The following NLRC4 variants were observed in gnomAD, a reference collection of about 807,000 sequenced individuals.
NLRC4 encodes the protein NLR family CARD domain containing 4.
In NLRC4, 63 loss-of-function variants were observed where a neutral mutation model predicts 79.9. The observed-to-expected ratio is 0.79, with a 90% CI of 0.64 to 0.97. The LOEUF is 0.97. Ranked by LOEUF, NLRC4 falls within the 50% of genes least tolerant of loss-of-function variation. NLRC4 has a pLI of 0.00. For missense variants in NLRC4, 1,074 were observed against 1,215.2 expected (o/e 0.88, Z 1.73); for synonymous variants, 461 against 456.5 (o/e 1.01, Z -0.12).
At chr2:32,263,011 C>T (rs891473390) in intron 1 of NLRC4, among the ~76,000 whole-genome samples, 12 of 151,896 alleles carry the variant, frequency 7.9e-5, no homozygotes, top group African/African-American at 2.2e-4. Context: ...CCACCATGCC[C>T]AGCTGGAAAA....
At chr2:32,226,112 C>G (rs1396749654) in intron 8 of NLRC4, among the ~76,000 whole-genome samples, 1 of 152,180 alleles carries the variant, frequency 6.6e-6, no homozygotes, top group African/African-American at 2.4e-5. Context: ...TAAAAGGTAT[C>G]TGCTACCAGT....
chr2:32,256,003 G>T (rs1307000772), intron 2 of NLRC4, among the ~76,000 whole-genome samples: 23 of 150,584 alleles, frequency 1.5e-4, no homozygotes, highest in Admixed American at 1.5e-3. Flanking sequence ...TACAGAGCGA[G>T]ACTCCATCTC....
At chr2:32,228,228 A>G (rs986354445) in intron 8 of NLRC4, among the ~76,000 whole-genome samples, 1 of 152,184 alleles carries the variant, frequency 6.6e-6, no homozygotes, top group Non-Finnish European at 1.5e-5. Context: ...CACAAAAGCA[A>G]TAGGCTTTCC....
Position 32,225,428 on chromosome 2 carries a change from T to TC in NLRC4, c.2783-664_2783-663insG, listed in dbSNP as rs1465553798. Among the ~76,000 whole-genome samples the TC allele has an allele frequency of 2.7e-5, 4 of 149,252 alleles. No homozygotes were observed. The East Asian group carries it at 7.8e-4, about 29-fold the overall frequency. ...CAAAGGATGTGTGTGTGTGTGTGTG[T>TC]GTGTGTGTGTGTGTGTGTATACATA... On this transcript the variant is annotated intron_variant, in intron 8 of 8. Transcript: ENST00000402280.
chr2:32,254,996 T>G (rs1160243145), intron 2 of NLRC4, among the ~76,000 whole-genome samples: 1 of 151,784 alleles, frequency 6.6e-6, no homozygotes, highest in Non-Finnish European at 1.5e-5. Flanking sequence ...CTCTCTGGCC[T>G]GAAATGCACC....
intron 1 of NLRC4, among the ~76,000 whole-genome samples, chr2:32,257,636 A>G (rs1016650770): frequency 6.7e-6 from 1 of 148,712 alleles, no homozygotes; most frequent in African/African-American, 2.5e-5. Context: ...AAAAAGGATA[A>G]GTAAGATGAG....
intron 8 of NLRC4, among the ~76,000 whole-genome samples, chr2:32,225,696 T>G (rs1410520123): frequency 6.6e-6 from 1 of 152,192 alleles, no homozygotes; most frequent in Non-Finnish European, 1.5e-5. Flanking sequence ...AAGTTCACCT[T>G]GAAGTACAGA....
chr2:32,260,931 G>T (rs1194521276), intron 1 of NLRC4, among the ~76,000 whole-genome samples: 2 of 152,094 alleles, frequency 1.3e-5, no homozygotes, highest in Non-Finnish European at 2.9e-5. Flanking sequence ...AGTGGCTCAC[G>T]CCTGTAATCC....
Position 32,259,796 on chromosome 2 carries a change from C to T in NLRC4, c.-118-2903G>A, listed in dbSNP as rs1231900134. 2.0e-5 allele frequency among the ~76,000 whole-genome samples: 3 copies of T among 152,160 alleles called. No individual in the cohort carries two copies. In the East Asian group the frequency reaches 5.8e-4, roughly 29 times the overall value. The stretch of plus-strand genomic sequence containing the variant: ...AACCGTAAATTAGCCTGTTGAAGAA[C>T]TTCACATAAACGGAATCATACAGTA... On this transcript the variant is annotated intron_variant, in intron 1 of 8. Transcript: ENST00000402280.
chr2:32,251,570 C>G lies in NLRC4; in HGVS notation c.294G>C (p.Leu98Phe). ...SLFHQTSEGD[L>F]DDLAQDLKDL... Reference sequence around the variant, plus strand: ...CCTTTAAATCCTGAGCCAAATCGTCCAAGTCTCCTTCTGATGTCTGATGAA... The same window carrying G: ...CCTTTAAATCCTGAGCCAAATCGTCGAAGTCTCCTTCTGATGTCTGATGAA... Residue 98 changes from leucine (L) to phenylalanine (F), a missense_variant, in exon 4 of 9, where the codon TTG becomes TTC. Transcript: ENST00000402280. 1 of 1,607,802 alleles carries G rather than the reference C, an allele frequency of 6.2e-7. No individual in the cohort carries two copies. The highest frequency in any genetic ancestry group is 8.5e-7 in the Non-Finnish European group (1 of 1,177,068).
intron 8 of NLRC4, among the ~76,000 whole-genome samples, chr2:32,231,596 G>T (rs1168130256): frequency 2.3e-5 from 3 of 130,584 alleles, no homozygotes; most frequent in Non-Finnish European, 3.3e-5. Context: ...GGGGGACTGG[G>T]TGTCACTCTG....
intron 8 of NLRC4, among the ~76,000 whole-genome samples, chr2:32,227,171 T>TA (rs35563451): frequency 0.57 from 84,322 of 147,384 alleles, 23,854 homozygotes; most frequent in African/African-American, 0.61. Flanking sequence ...AATAGAGGAG[T>TA]AAAAAAAAAA....
At chr2:32,239,195 C>G (rs1482846878) in intron 5 of NLRC4, among the ~76,000 whole-genome samples, 3 of 152,150 alleles carry the variant, frequency 2.0e-5, no homozygotes, top group Non-Finnish European at 2.9e-5. Context: ...GCATTAGAAT[C>G]GCTTGAACCC....
chr2:32,239,393 G>A (rs212719), intron 5 of NLRC4, among the ~76,000 whole-genome samples: 4,780 of 152,278 alleles, frequency 0.031, 140 homozygotes, highest in African/African-American at 0.079. Flanking sequence ...GTGGTGCCTG[G>A]CACATAGTAA....
At chr2:32,261,297 C>T (rs1385598980) in intron 1 of NLRC4, among the ~76,000 whole-genome samples, 2 of 125,816 alleles carry the variant, frequency 1.6e-5, no homozygotes, top group Non-Finnish European at 3.4e-5. Flanking sequence ...CTCTTTCTTT[C>T]GCCTATTAAG....
intron 2 of NLRC4, among the ~76,000 whole-genome samples, chr2:32,254,633 T>TTA (rs1687162451): frequency 6.7e-6 from 1 of 149,916 alleles, no homozygotes; most frequent in African/African-American, 2.5e-5. Context: ...TTTTTTTTTT[T>TTA]TTCAGACGAA....
At chr2:32,259,576 T>A (rs775436001) in intron 1 of NLRC4, among the ~76,000 whole-genome samples, 7 of 152,104 alleles carry the variant, frequency 4.6e-5, no homozygotes, top group Non-Finnish European at 8.8e-5. Context: ...GGTTTATTAT[T>A]CTTTCTTAGG....
At position 32,251,145 on chromosome 2, in the gene NLRC4, C is replaced by T. The variant is rs780092732; in HGVS notation, c.719G>A (p.Arg240Gln). The T allele has an allele frequency of 2.5e-6, 4 of 1,614,124 alleles. No homozygotes were observed. The highest frequency in any genetic ancestry group is 3.4e-6 in the Non-Finnish European group (4 of 1,180,020). ...QTFMAMLLKL[R>Q]QRVLFLLDGY... Reference sequence around the variant, plus strand: ...ATCAAGAAGGAAAAGAACCCTCTGCCGCAGCTTCAGCAGCATGGCCATGAA... The same window carrying T: ...ATCAAGAAGGAAAAGAACCCTCTGCTGCAGCTTCAGCAGCATGGCCATGAA... The change falls in exon 4 of 9, where the codon CGG (arginine) becomes CAG (glutamine). Residue 240 changes from arginine to glutamine, a missense_variant. Physicochemically the swap from Arg to Gln is conservative, Grantham distance 43. Transcript: ENST00000402280.
At chr2:32,263,410 C>T (rs1197848212) in intron 1 of NLRC4, among the ~76,000 whole-genome samples, 2 of 152,178 alleles carry the variant, frequency 1.3e-5, no homozygotes, top group African/African-American at 2.4e-5. Flanking sequence ...ATCTGTCTTC[C>T]TTTCTAGTAA....
Sources: allele counts gnomAD v4.1 joint callset (sites outside exome capture counted in the v4.1 genomes callset), GRCh38; gene constraint gnomAD v4.1.1; transcripts MANE v1.5; gene names NCBI Gene and HGNC (gene_info 2026-07-23, HGNC 2026-07-21).